CRACD: variants seen among roughly 807,000 people sequenced by gnomAD.
The protein encoded by CRACD is capping protein inhibiting regulator of actin dynamics.
In CRACD, 56 loss-of-function variants were observed where a neutral mutation model predicts 106.8. The ratio of observed to expected loss-of-function variants is 0.52; its 90% CI spans 0.42 to 0.66. The LOEUF is 0.66. Among genes scored for constraint, CRACD ranks in the 30% least tolerant of loss-of-function variants. The pLI, the probability that CRACD is intolerant of heterozygous loss-of-function variation, is 0.00. For missense variants in CRACD, 1,730 were observed against 1,623.2 expected, an observed-to-expected ratio of 1.07 and a Z score of -1.13; for synonymous variants, 754 against 670.8, an observed-to-expected ratio of 1.12 and a Z score of -1.92.
chr4:56,093,844 A>C (rs1302980762), intron 1 of CRACD, among the ~76,000 whole-genome samples: 2 of 152,220 alleles, frequency 1.3e-5, no homozygotes, highest in Admixed American at 1.3e-4. Flanking sequence ...TTATTTTGGC[A>C]GAAACGCAAA....
At chr4:56,299,668 CAA>C (rs745452206) in intron 4 of CRACD, among the ~76,000 whole-genome samples, 38 of 130,248 alleles carry the variant, frequency 2.9e-4, no homozygotes, top group South Asian at 4.9e-4. Flanking sequence ...AGAGCTTGTC[CAA>C]AAAAAAAAAA....
intron 1 of CRACD, among the ~76,000 whole-genome samples, chr4:56,165,267 T>C (rs1223389629): frequency 1.3e-5 from 2 of 152,350 alleles, no homozygotes; most frequent in East Asian, 3.9e-4. Flanking sequence ...ACTGAGAGTC[T>C]GTTCTCAGCT....
chr4:56,247,359 G>C (rs7686913), intron 2 of CRACD, among the ~76,000 whole-genome samples: 1 of 152,114 alleles, frequency 6.6e-6, no homozygotes, highest in Non-Finnish European at 1.5e-5. Context: ...TCTGTTAGGA[G>C]TAATTGATGA....
At position 56,314,308 on chromosome 4, in the gene CRACD, T is replaced by C; in HGVS notation, c.806T>C (p.Leu269Pro). The C allele has an allele frequency of 6.4e-7, 1 of 1,552,434 alleles. No homozygotes were observed. The highest frequency in any genetic ancestry group is 8.7e-7 in the Non-Finnish European group (1 of 1,147,746). Reference protein sequence around the residue: ...RLWEENRRQELLEEEGEGQEP... With the variant: ...RLWEENRRQEPLEEEGEGQEP... The stretch of plus-strand genomic sequence containing the variant: ...TGGGAAGAGAACAGAAGGCAGGAGC[T>C]CTTGGAGGAGGAGGGCGAGGGGCAG... Residue 269 changes from leucine (L) to proline (P), a missense_variant, in exon 8 of 11, where the codon CTC becomes CCC. This residue lies in a region of CRACD where 1,620 missense variants were observed against 1,481.6 expected (regional missense o/e 1.09). Coordinates refer to ENST00000682029, the MANE Select transcript of CRACD (RefSeq NM_001393381.1). The surrounding 1 kb of genome is among the most constrained non-coding windows in gnomAD (Gnocchi z 4.4).
At chr4:56,321,164 C>A in intron 8 of CRACD, 1 of 243,350 alleles carries the variant, frequency 4.1e-6, no homozygotes, top group African/African-American at 2.3e-5. Flanking sequence ...TGAGGTTCTG[C>A]AGGCAGTTGT....
chr4:56,100,256 G>A (rs530404273), intron 1 of CRACD, among the ~76,000 whole-genome samples: 2 of 152,156 alleles, frequency 1.3e-5, no homozygotes, highest in East Asian at 1.9e-4. Context: ...GGGACGGGGG[G>A]GAAGGGGTGG....
At chr4:56,285,066 T>G (rs1743258722) in intron 3 of CRACD, among the ~76,000 whole-genome samples, 1 of 152,232 alleles carries the variant, frequency 6.6e-6, no homozygotes, top group Non-Finnish European at 1.5e-5. Context: ...ACAGTCATGG[T>G]GGAAGGTGAA....
At chr4:56,124,229 T>C (rs1025297996) in intron 1 of CRACD, among the ~76,000 whole-genome samples, 4 of 152,336 alleles carry the variant, frequency 2.6e-5, no homozygotes, top group Middle Eastern at 3.4e-3. Flanking sequence ...TGAGCCACTG[T>C]GCCCGGCCAA....
At chr4:56,291,879 C>A (rs1192659255) in intron 3 of CRACD, among the ~76,000 whole-genome samples, 1 of 152,138 alleles carries the variant, frequency 6.6e-6, no homozygotes, top group Non-Finnish European at 1.5e-5. Context: ...AAACTGGTAC[C>A]AAAGAATGGG....
intron 2 of CRACD, among the ~76,000 whole-genome samples, chr4:56,244,500 CT>C (rs1201075667): frequency 6.6e-6 from 1 of 152,154 alleles, no homozygotes; most frequent in Admixed American, 6.5e-5. Context: ...CTTATATTGG[CT>C]TTTGATATAG....
intron 1 of CRACD, among the ~76,000 whole-genome samples, chr4:56,158,429 T>G (rs1735835082): frequency 6.6e-6 from 1 of 152,112 alleles, no homozygotes; most frequent in African/African-American, 2.4e-5. Context: ...AGAACAAAGA[T>G]CATCCAGCAA....
intron 1 of CRACD, among the ~76,000 whole-genome samples, chr4:56,132,178 A>C (rs1734845746): frequency 6.6e-6 from 1 of 151,998 alleles, no homozygotes; most frequent in Admixed American, 6.6e-5. Flanking sequence ...CGAGTAGCTG[A>C]TACCACAGGC....
intron 6 of CRACD, chr4:56,311,712 T>C (rs901943755): frequency 6.6e-6 from 1 of 152,210 alleles, no homozygotes; most frequent in African/African-American, 2.4e-5. Context: ...ATATAGAAGA[T>C]AATTGCAAAA....
chr4:56,169,250 G>A (rs1736265643), intron 1 of CRACD, among the ~76,000 whole-genome samples: 1 of 152,114 alleles, frequency 6.6e-6, no homozygotes, highest in African/African-American at 2.4e-5. Flanking sequence ...ATATGAGAAT[G>A]GAAATTCAAG....
At chr4:56,090,754 T>C (rs1356090388) in intron 1 of CRACD, among the ~76,000 whole-genome samples, 3 of 152,168 alleles carry the variant, frequency 2.0e-5, no homozygotes, top group Admixed American at 2.0e-4. Flanking sequence ...TCTGGGTGTC[T>C]AAACAGCAGT....
chr4:56,316,058 C>A lies in CRACD; in HGVS notation c.2556C>A (p.Thr852=). ...ASPFGIKLRR[T]NYSLRFNCDQ... ...CGTTTGGAATAAAATTGAGAAGGACCAACTATTCCTTGCGCTTCAACTGCG... is the reference window on the plus strand; with the variant it reads ...CGTTTGGAATAAAATTGAGAAGGACAAACTATTCCTTGCGCTTCAACTGCG... The change falls in exon 8 of 11, where the codon ACC becomes ACA. Residue 852 remains threonine (T), a synonymous_variant. Transcript: ENST00000682029. The A allele has an allele frequency of 1.2e-6, 2 of 1,614,170 alleles. No homozygotes were observed. The highest frequency in any genetic ancestry group is 1.7e-6 in the Non-Finnish European group (2 of 1,180,038).
chr4:56,218,897 A>G (rs1048582690), intron 2 of CRACD, among the ~76,000 whole-genome samples: 10 of 152,190 alleles, frequency 6.6e-5, no homozygotes, highest in Non-Finnish European at 2.9e-5. Flanking sequence ...ATTTTGGGCT[A>G]TAACATAGAG....
Position 56,182,433 on chromosome 4 carries a change from C to CAA in CRACD, c.-189+3014_-189+3015dup, listed in dbSNP as rs775391262. Among the ~76,000 whole-genome samples the CAA allele has an allele frequency of 4.6e-3, 642 of 140,260 alleles. 5 individuals are homozygous for CAA. The highest frequency in any genetic ancestry group is 0.016 in the African/African-American group (611 of 38,396). The allele number at this position is 140,260 out of a possible 152,430, so 92.0% of individuals were successfully genotyped here. A position where few individuals can be genotyped will look rare whatever the true frequency, so the allele number is the denominator to read the frequency against. On this transcript the variant is annotated intron_variant, in intron 2 of 10. Coordinates refer to ENST00000682029, the MANE Select transcript of CRACD (RefSeq NM_001393381.1). ...TCCAAAACACACAACAACAAAGAAA[C>CAA]AAAAAAAAAAAACCAGCCAGGTCTA...
intron 3 of CRACD, among the ~76,000 whole-genome samples, chr4:56,284,036 T>C (rs1310554724): frequency 6.6e-6 from 1 of 152,176 alleles, no homozygotes; most frequent in Non-Finnish European, 1.5e-5. Context: ...AAAACAGCCA[T>C]GATCTGAACA....
Sources: gnomAD v4.1 joint callset for allele counts (sites outside exome capture counted in the v4.1 genomes callset) on GRCh38, gnomAD v4.1.1 for gene constraint, gnomAD v4.1.1 regional missense constraint, Gnocchi (gnomAD v3.1) non-coding constraint, MANE v1.5 for transcripts, NCBI Gene and HGNC (gene_info 2026-07-23, HGNC 2026-07-21) for gene names.